CHRM3: variants seen among roughly 807,000 people sequenced by gnomAD.
CHRM3 encodes cholinergic receptor muscarinic 3.
In CHRM3, 11 loss-of-function variants were observed where a neutral mutation model predicts 41.8. The ratio of observed to expected loss-of-function variants is 0.26; its 90% CI spans 0.17 to 0.44. The LOEUF (loss-of-function observed/expected upper bound fraction) is 0.44, where lower values mean the gene tolerates loss of function less well. Ranked by LOEUF, CHRM3 falls within the 20% of genes least tolerant of loss-of-function variation. CHRM3 has a pLI of 1.00. For missense variants in CHRM3, 571 were observed against 745.4 expected, an observed-to-expected ratio of 0.77 and a Z score of 2.72; for synonymous variants, 297 against 301.4, an observed-to-expected ratio of 0.99 and a Z score of 0.15.
chr1:239,651,727 C>G (rs141835713), intron 4 of CHRM3, among the ~76,000 whole-genome samples: 304 of 152,184 alleles, frequency 2.0e-3, no homozygotes, highest in African/African-American at 6.8e-3. Context: ...TAGACCCTAC[C>G]CTTGTAGTAA....
chr1:239,804,352 T>TA (rs386641006), intron 5 of CHRM3, among the ~76,000 whole-genome samples: 14 of 144,346 alleles, frequency 9.7e-5, no homozygotes, highest in African/African-American at 2.8e-4. Flanking sequence ...GTTTTTTTTT[T>TA]ATTATTATTC....
At chr1:239,703,598 G>A (rs988563598) in intron 5 of CHRM3, 1 of 152,104 alleles carries the variant, frequency 6.6e-6, no homozygotes, top group Non-Finnish European at 1.5e-5. Flanking sequence ...GGTAAAAATT[G>A]TTTAATCAAA....
chr1:239,835,810 T>G (rs1360355957), intron 6 of CHRM3, among the ~76,000 whole-genome samples: 1 of 152,188 alleles, frequency 6.6e-6, no homozygotes, highest in Non-Finnish European at 1.5e-5. Flanking sequence ...AGTTAAAAAT[T>G]TAGAAGCCTG....
intron 6 of CHRM3, among the ~76,000 whole-genome samples, chr1:239,872,182 G>A (rs189453349): frequency 3.7e-4 from 56 of 152,312 alleles, no homozygotes; most frequent in East Asian, 3.9e-4. Context: ...TGTGTGTTTA[G>A]AAAGATGGCA....
chr1:239,497,654 A>C (rs1667970616), intron 2 of CHRM3, among the ~76,000 whole-genome samples: 1 of 152,228 alleles, frequency 6.6e-6, no homozygotes, highest in Non-Finnish European at 1.5e-5. Flanking sequence ...AGAGGTGATA[A>C]AAGAGAGGTA....
rs753237593 is a variant in CHRM3, at chr1:239,908,233, G to A, written c.782G>A (p.Arg261His). The change falls in exon 7 of 7, where the codon CGT (arginine) becomes CAT (histidine). Residue 261 changes from arginine to histidine, a missense_variant. This residue lies in a region of CHRM3 where 153 missense variants were observed against 296.3 expected (regional missense o/e 0.52). Coordinates refer to ENST00000676153, the MANE Select transcript of CHRM3 (RefSeq NM_001375978.1). The surrounding 1 kb of genome is among the most constrained non-coding windows in gnomAD (Gnocchi z 7.2). Reference protein sequence around the residue: ...YWRIYKETEKRTKELAGLQAS... With the variant: ...YWRIYKETEKHTKELAGLQAS... Reference sequence around the variant, plus strand: ...AGGATCTATAAGGAAACTGAAAAGCGTACCAAAGAGCTTGCTGGCCTGCAA... The same window carrying A: ...AGGATCTATAAGGAAACTGAAAAGCATACCAAAGAGCTTGCTGGCCTGCAA... 7 of 1,614,138 alleles carry A rather than the reference G, an allele frequency of 4.3e-6. No individual in the cohort carries two copies. The highest frequency in any genetic ancestry group is 5.1e-6 in the Non-Finnish European group (6 of 1,180,032).
chr1:239,657,391 A>G (rs1672807566), intron 4 of CHRM3, among the ~76,000 whole-genome samples: 1 of 152,204 alleles, frequency 6.6e-6, no homozygotes, highest in South Asian at 2.1e-4. Flanking sequence ...AATTTACCTG[A>G]AACTGAGAGA....
At chr1:239,456,655 A>G (rs895971383) in intron 1 of CHRM3, among the ~76,000 whole-genome samples, 24 of 152,272 alleles carry the variant, frequency 1.6e-4, no homozygotes, top group African/African-American at 5.5e-4. Context: ...AGTAGTGTAC[A>G]TGAATGGCCC....
At chr1:239,547,155 G>A (rs12032799) in intron 3 of CHRM3, among the ~76,000 whole-genome samples, 3,658 of 152,238 alleles carry the variant, frequency 0.024, 68 homozygotes, top group East Asian at 0.042. Flanking sequence ...TAAATGGAAC[G>A]AAAATCTTAA....
At chr1:239,460,657 G>A (rs1342510992) in intron 1 of CHRM3, among the ~76,000 whole-genome samples, 4 of 151,938 alleles carry the variant, frequency 2.6e-5, no homozygotes, top group Non-Finnish European at 1.5e-5. Flanking sequence ...ATGACATAAA[G>A]TACAACACGG....
chr1:239,592,267 G>A (rs1307543042), intron 3 of CHRM3, among the ~76,000 whole-genome samples: 2 of 152,114 alleles, frequency 1.3e-5, no homozygotes, highest in East Asian at 3.9e-4. Flanking sequence ...GCAGTGAAGA[G>A]GTTTTTGCTT....
At chr1:239,634,627 G>A (rs1352812684) in intron 4 of CHRM3, among the ~76,000 whole-genome samples, 1 of 150,798 alleles carries the variant, frequency 6.6e-6, no homozygotes, top group African/African-American at 2.4e-5. Flanking sequence ...AACAATCATA[G>A]AATTAAGTAT....
chr1:239,568,264 C>T (rs1484784334), intron 3 of CHRM3, among the ~76,000 whole-genome samples: 1 of 152,134 alleles, frequency 6.6e-6, no homozygotes, highest in Non-Finnish European at 1.5e-5. Flanking sequence ...GTTATAATTC[C>T]CACCTGTTAC....
chr1:239,388,922 G>A (rs1308483987), intron 1 of CHRM3, among the ~76,000 whole-genome samples: 1 of 152,138 alleles, frequency 6.6e-6, no homozygotes, highest in Non-Finnish European at 1.5e-5. Flanking sequence ...CGTTATTTTT[G>A]TAGTGGTTTC....
chr1:239,571,927 A>T (rs1316083674), intron 3 of CHRM3, among the ~76,000 whole-genome samples: 2 of 151,958 alleles, frequency 1.3e-5, no homozygotes, highest in Non-Finnish European at 2.9e-5. Flanking sequence ...GACTTCTTTG[A>T]CTTCTTTTCC....
intron 3 of CHRM3, among the ~76,000 whole-genome samples, chr1:239,580,413 T>G (rs1024433479): frequency 2.0e-5 from 3 of 151,880 alleles, no homozygotes; most frequent in African/African-American, 7.3e-5. Context: ...AAACTAAAAC[T>G]CTTCTCTGCT....
intron 1 of CHRM3, among the ~76,000 whole-genome samples, chr1:239,453,802 G>A (rs1664733526): frequency 6.6e-6 from 1 of 152,144 alleles, no homozygotes; most frequent in East Asian, 1.9e-4. Context: ...GATGGCGGCA[G>A]ATGTCTGTGA....
chr1:239,642,727 C>T (rs937500669), intron 4 of CHRM3, among the ~76,000 whole-genome samples: 4 of 152,274 alleles, frequency 2.6e-5, no homozygotes, highest in South Asian at 4.1e-4. Flanking sequence ...TCCTGTAGCT[C>T]GGAGTACTTT....
chr1:239,419,297 A>G (rs1436379893), intron 1 of CHRM3, among the ~76,000 whole-genome samples: 1 of 151,990 alleles, frequency 6.6e-6, no homozygotes, highest in East Asian at 1.9e-4. Context: ...TCCAGCTATC[A>G]AGAGGGTTTT....
Sources: allele counts gnomAD v4.1 joint callset (sites outside exome capture counted in the v4.1 genomes callset), GRCh38; gene constraint gnomAD v4.1.1; regional missense constraint gnomAD v4.1.1; non-coding constraint Gnocchi (gnomAD v3.1); transcripts MANE v1.5; gene names NCBI Gene and HGNC (gene_info 2026-07-23, HGNC 2026-07-21).